The following GMPR variants were observed in gnomAD, a reference collection of about 807,000 sequenced individuals.
The protein encoded by GMPR is GMP reductase 1.
GMPR carries 31 observed loss-of-function variants against 38.4 expected under a neutral mutation model. The observed-to-expected ratio is 0.81, with a 90% CI of 0.61 to 1.09. The LOEUF is 1.09. GMPR is among the 50% of genes least tolerant of loss of function. The pLI is 0.00. For missense variants in GMPR, 468 were observed against 453.7 expected, an observed-to-expected ratio of 1.03 and a Z score of -0.29; for synonymous variants, 162 against 173.3, an observed-to-expected ratio of 0.93 and a Z score of 0.51.
chr6:16,261,101 TA>T (rs1301450420), intron 4 of GMPR, among the ~76,000 whole-genome samples: 2 of 151,956 alleles, frequency 1.3e-5, no homozygotes, highest in Admixed American at 6.6e-5. Flanking sequence ...ATGGCTAGGC[TA>T]AAACAGTAAG....
At chr6:16,250,748 A>C (rs924321954) in intron 3 of GMPR, among the ~76,000 whole-genome samples, 8 of 152,126 alleles carry the variant, frequency 5.3e-5, no homozygotes, top group Non-Finnish European at 1.0e-4. Context: ...TGTCATCAAA[A>C]AGACAGATAA....
At chr6:16,268,958 C>G (rs535960189) in intron 4 of GMPR, among the ~76,000 whole-genome samples, 1 of 150,120 alleles carries the variant, frequency 6.7e-6, no homozygotes, top group South Asian at 2.1e-4. Flanking sequence ...TTTAGGTGTA[C>G]AGTTCAGTGG....
rs1250382871 is a variant in GMPR, at chr6:16,246,905, A to G, written c.151A>G (p.Ile51Val). 6.2e-7 allele frequency: 1 copy of G among 1,613,870 alleles called. No individual in the cohort carries two copies. The highest frequency in any genetic ancestry group is 8.5e-7 in the Non-Finnish European group (1 of 1,179,802). ...SKQTYSGIPI[I>V]VANMDTVGTF... ...GCAGACCTACTCAGGGATTCCCATC[A>G]TCGTGGCCAACATGGACACTGTGGG... The change falls in exon 2 of 9, where the codon ATC becomes GTC. Residue 51 changes from isoleucine to valine, a missense_variant. By Grantham distance (29) the Ile-to-Val change is conservative. Coordinates refer to ENST00000259727, the MANE Select transcript of GMPR (RefSeq NM_006877.4).
intron 4 of GMPR, among the ~76,000 whole-genome samples, chr6:16,255,539 T>G (rs1363653136): frequency 2.6e-5 from 4 of 152,166 alleles, no homozygotes; most frequent in Admixed American, 2.0e-4. Flanking sequence ...TCTAGGAGCT[T>G]TGTTTCTTGA....
intron 4 of GMPR, among the ~76,000 whole-genome samples, chr6:16,260,917 C>T (rs1225894068): frequency 3.3e-5 from 5 of 151,834 alleles, no homozygotes; most frequent in Non-Finnish European, 7.4e-5. Flanking sequence ...TGGGACTTAA[C>T]AAAGAGTGAG....
At chr6:16,288,427 C>T (rs1402988608) in intron 7 of GMPR, among the ~76,000 whole-genome samples, 1 of 152,206 alleles carries the variant, frequency 6.6e-6, no homozygotes, top group Non-Finnish European at 1.5e-5. Context: ...TGTGCTGGGT[C>T]CTCCAGCAGT....
intron 4 of GMPR, among the ~76,000 whole-genome samples, chr6:16,263,526 G>A (rs1358250911): frequency 2.0e-5 from 3 of 151,722 alleles, no homozygotes; most frequent in African/African-American, 7.2e-5. Context: ...GAGGGAAGGG[G>A]TTCAGGGGTT....
intron 4 of GMPR, among the ~76,000 whole-genome samples, chr6:16,264,095 C>G (rs374379631): frequency 6.6e-6 from 1 of 151,888 alleles, no homozygotes; most frequent in African/African-American, 2.4e-5. Flanking sequence ...CTCTGAAACC[C>G]GGTAGAATAA....
intron 2 of GMPR, among the ~76,000 whole-genome samples, chr6:16,247,385 T>C (rs1327424216): frequency 1.3e-5 from 2 of 152,028 alleles, no homozygotes; most frequent in Non-Finnish European, 2.9e-5. Flanking sequence ...TTCTTTTTTT[T>C]TTTTTTTAAG....
intron 4 of GMPR, among the ~76,000 whole-genome samples, chr6:16,270,697 C>T (rs1759367654): frequency 6.6e-6 from 1 of 152,208 alleles, no homozygotes; most frequent in African/African-American, 2.4e-5. Flanking sequence ...CTCCCCCGTC[C>T]TCCTGGAAGC....
chr6:16,285,032 A>AT (rs1759650307), intron 6 of GMPR, among the ~76,000 whole-genome samples: 1 of 100,666 alleles, frequency 9.9e-6, no homozygotes, highest in African/African-American at 4.4e-5. Flanking sequence ...AAAAAAAAAA[A>AT]CAAAAAAAAA....
intron 4 of GMPR, among the ~76,000 whole-genome samples, chr6:16,273,997 G>A (rs979372376): frequency 1.3e-5 from 2 of 151,930 alleles, no homozygotes; most frequent in African/African-American, 4.8e-5. Context: ...TGTATTTTTA[G>A]TAGAGACAGG....
At chr6:16,290,730 G>T in intron 8 of GMPR, 109 bp downstream of exon 8, 1 of 910,890 alleles carries the variant, frequency 1.1e-6, no homozygotes. Flanking sequence ...AAAGTACCGT[G>T]GGAAGGGGTT....
intron 4 of GMPR, among the ~76,000 whole-genome samples, chr6:16,258,316 C>T (rs1759016765): frequency 6.6e-6 from 1 of 152,200 alleles, no homozygotes; most frequent in Non-Finnish European, 1.5e-5. Flanking sequence ...GGGTGTAGTT[C>T]ACAGCTGGGC....
intron 4 of GMPR, among the ~76,000 whole-genome samples, chr6:16,257,215 C>T (rs775018739): frequency 6.6e-6 from 1 of 152,080 alleles, no homozygotes. Context: ...AGCTTCCTGG[C>T]GGGTAACACG....
At position 16,278,843 on chromosome 6, in the gene GMPR, A is replaced by G. The variant is rs745942361; in HGVS notation, c.607A>G (p.Ile203Val). ...GGGGTACCCCCAGCTGAGTGCCGTCATTGAGTGTGCCGACTCTGCCCATGG... is the reference window on the plus strand; with the variant it reads ...GGGGTACCCCCAGCTGAGTGCCGTCGTTGAGTGTGCCGACTCTGCCCATGG... ...GVGYPQLSAV[I>V]ECADSAHGLK... The change falls in exon 6 of 9, where the codon ATT (isoleucine) becomes GTT (valine). Residue 203 changes from isoleucine to valine, a missense_variant. Ile to Val is a conservative substitution (Grantham distance 29). Transcript: ENST00000259727. 7 of 1,614,068 alleles carry G rather than the reference A, an allele frequency of 4.3e-6. No individual in the cohort carries two copies. The highest frequency in any genetic ancestry group is 5.9e-6 in the Non-Finnish European group (7 of 1,179,938).
At chr6:16,289,089 T>G (rs1375612336) in intron 7 of GMPR, among the ~76,000 whole-genome samples, 2 of 152,202 alleles carry the variant, frequency 1.3e-5, no homozygotes, top group Non-Finnish European at 2.9e-5. Flanking sequence ...GTTTCGCTCT[T>G]TGCAATAGAT....
chr6:16,279,588 G>T (rs979511861), intron 6 of GMPR, among the ~76,000 whole-genome samples: 2 of 152,226 alleles, frequency 1.3e-5, no homozygotes, highest in Non-Finnish European at 1.5e-5. Flanking sequence ...TCAGGGTCAG[G>T]GAAGGTTTCC....
At chr6:16,286,726 T>C (rs1242965952) in intron 7 of GMPR, among the ~76,000 whole-genome samples, 2 of 151,362 alleles carry the variant, frequency 1.3e-5, no homozygotes, top group East Asian at 2.0e-4. Flanking sequence ...GCCTGGACAA[T>C]ACCCCATCTC....
Sources: gnomAD v4.1 joint callset for allele counts (sites outside exome capture counted in the v4.1 genomes callset) on GRCh38, gnomAD v4.1.1 for gene constraint, MANE v1.5 for transcripts, NCBI Gene and HGNC (gene_info 2026-07-23, HGNC 2026-07-21) for gene names.